RGL1: variants seen among roughly 807,000 people sequenced by gnomAD.
RGL1 encodes ral guanine nucleotide dissociation stimulator like 1.
In RGL1, 24 loss-of-function variants were observed where a neutral mutation model predicts 95.2. The observed-to-expected ratio is 0.25, with a 90% CI of 0.18 to 0.35. The LOEUF is 0.35. Ranked by LOEUF, RGL1 falls within the 10% of genes least tolerant of loss-of-function variation. The pLI, the probability that RGL1 is intolerant of heterozygous loss-of-function variation, is 1.00. For synonymous variants in RGL1, 329 were observed against 344.9 expected (o/e 0.95, Z 0.51); for missense variants, 715 against 936.3 (o/e 0.76, Z 3.08).
At chr1:183,761,444 C>A (rs1658661820) in intron 2 of RGL1, among the ~76,000 whole-genome samples, 2 of 152,162 alleles carry the variant, frequency 1.3e-5, no homozygotes. Context: ...AAAGGAATAT[C>A]TTTTTTTCTA....
chr1:183,733,107 G>GA (rs1220994067), intron 1 of RGL1, among the ~76,000 whole-genome samples: 1 of 151,958 alleles, frequency 6.6e-6, no homozygotes, highest in Admixed American at 6.6e-5. Flanking sequence ...TGAGTAAGAG[G>GA]AAAAAAACAT....
chr1:183,858,771 C>T (rs1208596263), intron 3 of RGL1, among the ~76,000 whole-genome samples: 27 of 152,048 alleles, frequency 1.8e-4, no homozygotes, highest in Non-Finnish European at 7.4e-5. Flanking sequence ...TGCCTTTGGC[C>T]TCTACTAAAG....
At chr1:183,679,192 C>T (rs1020510237) in intron 1 of RGL1, among the ~76,000 whole-genome samples, 32 of 152,074 alleles carry the variant, frequency 2.1e-4, no homozygotes, top group East Asian at 1.9e-4. Flanking sequence ...AATTCACATC[C>T]GAAAGCACAC....
intron 1 of RGL1, among the ~76,000 whole-genome samples, chr1:183,692,155 A>T (rs180699807): frequency 6.6e-6 from 1 of 152,188 alleles, no homozygotes; most frequent in Non-Finnish European, 1.5e-5. Context: ...ATATATGGAG[A>T]TATTTCAGAT....
chr1:183,841,687 G>T lies in RGL1; in HGVS notation c.139-5879G>T, dbSNP rs774268061. Among the ~76,000 whole-genome samples, 4 of 152,104 alleles carry T rather than the reference G, an allele frequency of 2.6e-5. No homozygotes were observed. The East Asian group carries it at 7.7e-4, about 29-fold the overall frequency. Reference sequence around the variant, plus strand: ...TGTATTGGCCTTGTCATGTTCTGCTGGGTGTCATTACATACATGATTTCTG... The same window carrying T: ...TGTATTGGCCTTGTCATGTTCTGCTTGGTGTCATTACATACATGATTTCTG... On this transcript the variant is annotated intron_variant, in intron 2 of 17. Transcript: ENST00000360851.
intron 2 of RGL1, among the ~76,000 whole-genome samples, chr1:183,823,652 C>T (rs556019151): frequency 1.6e-3 from 237 of 152,282 alleles, no homozygotes; most frequent in African/African-American, 5.4e-3. Flanking sequence ...ATTCAACTTA[C>T]GGAGTTCCAC....
At chr1:183,666,082 T>G (rs1652018157) in intron 1 of RGL1, among the ~76,000 whole-genome samples, 1 of 150,326 alleles carries the variant, frequency 6.7e-6, no homozygotes, top group Non-Finnish European at 1.5e-5. Flanking sequence ...CTCGGCTCAC[T>G]GCAACCTCTG....
chr1:183,809,704 A>T (rs1191214007), intron 2 of RGL1, among the ~76,000 whole-genome samples: 2 of 152,184 alleles, frequency 1.3e-5, no homozygotes, highest in African/African-American at 4.8e-5. Flanking sequence ...CAGCACTTTG[A>T]GAGGCCAAGG....
chr1:183,741,319 G>C (rs1266992679), intron 1 of RGL1, among the ~76,000 whole-genome samples: 1 of 152,178 alleles, frequency 6.6e-6, no homozygotes, highest in Non-Finnish European at 1.5e-5. Flanking sequence ...GAGGCAAGGA[G>C]ACTCTTCTGA....
intron 14 of RGL1, among the ~76,000 whole-genome samples, chr1:183,909,950 CTGTT>C (rs1668550017): frequency 6.6e-6 from 1 of 151,878 alleles, no homozygotes; most frequent in Non-Finnish European, 1.5e-5. Context: ...TCAATACTGA[CTGTT>C]ACTTTCACTC....
At chr1:183,922,940 T>TA (rs1669396702) in intron 17 of RGL1, among the ~76,000 whole-genome samples, 1 of 152,200 alleles carries the variant, frequency 6.6e-6, no homozygotes, top group Non-Finnish European at 1.5e-5. Context: ...TTTTATGAAA[T>TA]ACTTTTTGGG....
At chr1:183,881,179 A>G (rs1025808847) in intron 5 of RGL1, among the ~76,000 whole-genome samples, 1 of 152,116 alleles carries the variant, frequency 6.6e-6, no homozygotes, top group African/African-American at 2.4e-5. Flanking sequence ...CTGAATTTGC[A>G]TTTTATTACC....
intron 2 of RGL1, among the ~76,000 whole-genome samples, chr1:183,823,899 G>T (rs373234119): frequency 6.6e-6 from 1 of 152,242 alleles, no homozygotes; most frequent in South Asian, 2.1e-4. Flanking sequence ...AGATCCTCCT[G>T]TCTCAGCCTC....
chr1:183,638,153 A>G (rs1046561286), intron 1 of RGL1, among the ~76,000 whole-genome samples: 3 of 152,162 alleles, frequency 2.0e-5, no homozygotes, highest in African/African-American at 7.2e-5. Flanking sequence ...TTTGAGAACT[A>G]TGAAAGAATC....
At chr1:183,902,658 T>C in intron 12 of RGL1, 58 bp downstream of exon 12, 2 of 1,549,226 alleles carry the variant, frequency 1.3e-6, no homozygotes, top group Non-Finnish European at 8.8e-7. Flanking sequence ...ATGAAAGAAA[T>C]GGGGACTTAA....
At chr1:183,823,221 G>C (rs545990286) in intron 2 of RGL1, among the ~76,000 whole-genome samples, 11 of 151,998 alleles carry the variant, frequency 7.2e-5, no homozygotes, top group African/African-American at 2.7e-4. Context: ...ACTTAAATTA[G>C]GCCTCTATAA....
Position 183,805,335 on chromosome 1 carries a change from CTCTCTGCCTTCTCCCGAGGCT to C in RGL1, c.27+18_27+38del, listed in dbSNP as rs1379465119. ...TGGCAAGCTAAAATGGTAACGAGAG[CTCTCTGCCTTCTCCCGAGGCT>C]TCTCTGGTGGGGAATCTTCTCCCGC... is the stretch of plus-strand genomic sequence containing the variant. On this transcript the variant is annotated intron_variant, in intron 1 of 17. Transcript: ENST00000360851. The C allele has an allele frequency of 4.4e-6, 7 of 1,608,674 alleles. No individual in the cohort carries two copies. Among genetic ancestry groups the C allele is most frequent in the Non-Finnish European group, 5.9e-6 (7 of 1,177,042 alleles).
intron 1 of RGL1, among the ~76,000 whole-genome samples, chr1:183,671,929 T>A (rs1025606688): frequency 3.4e-5 from 5 of 145,264 alleles, no homozygotes; most frequent in Non-Finnish European, 7.4e-5. Context: ...TACCTTTGAT[T>A]TTTTTTTTCT....
At chr1:183,683,601 T>C (rs1653370636) in intron 1 of RGL1, among the ~76,000 whole-genome samples, 1 of 152,198 alleles carries the variant, frequency 6.6e-6, no homozygotes. Context: ...CTTAAAAATT[T>C]TTCCTTTGTT....
Sources: gnomAD v4.1 joint callset for allele counts (sites outside exome capture counted in the v4.1 genomes callset) on GRCh38, gnomAD v4.1.1 for gene constraint, MANE v1.5 for transcripts, NCBI Gene and HGNC (gene_info 2026-07-23, HGNC 2026-07-21) for gene names.